The following LGALS14 variants were observed in gnomAD, a reference collection of about 807,000 sequenced individuals.
LGALS14 encodes galectin 14.
LGALS14 carries 14 observed loss-of-function variants against 14.6 expected under a neutral mutation model. That is an observed-to-expected ratio of 0.96 (90% CI 0.64 to 1.50). LGALS14 has a LOEUF of 1.50. Ranked by LOEUF, LGALS14 falls within the 40% of genes most tolerant of loss-of-function variation. LGALS14 has a pLI of 0.00. For synonymous variants in LGALS14, 57 were observed against 63.9 expected, an observed-to-expected ratio of 0.89 and a Z score of 0.51; for missense variants, 180 against 172.0, an observed-to-expected ratio of 1.05 and a Z score of -0.26.
At position 39,707,230 on chromosome 19, in the gene LGALS14, G is replaced by C; in HGVS notation, c.145G>C (p.Asp49His). The C allele has an allele frequency of 6.2e-7, 1 of 1,614,146 alleles. No homozygotes were observed. Among genetic ancestry groups the C allele is most frequent in the Non-Finnish European group, 8.5e-7 (1 of 1,179,988 alleles). ...NFYTGMDEDS[D>H]IAFQFRLHFG... ...CTACACTGGGATGGATGAGGACTCA[G>C]ATATTGCTTTCCAATTCCGACTGCA... Residue 49 changes from aspartate to histidine, a missense_variant, in exon 3 of 4, where the codon GAT becomes CAT. Transcript: ENST00000392052.
chr19:39,706,780 T>C (rs1276668990), intron 2 of LGALS14, 107 bp downstream of exon 2: 2 of 967,290 alleles, frequency 2.1e-6, no homozygotes, highest in Non-Finnish European at 1.7e-6. Flanking sequence ...GTTGGCATAA[T>C]GAAGGCCTCA....
At position 39,706,593 on chromosome 19, in the gene LGALS14, G is replaced by A. The variant is rs1973717598; in HGVS notation, c.16-4G>A. On this transcript the variant is annotated splice_polypyrimidine_tract_variant and splice_region_variant and intron_variant, in intron 1 of 3. Transcript: ENST00000392052. Reference sequence around the variant, plus strand: ...GCTCTCACTCACTCTCCATACCCTGGCAGGTACCATACACACTGCCTGTTT... The same window carrying A: ...GCTCTCACTCACTCTCCATACCCTGACAGGTACCATACACACTGCCTGTTT... 6.2e-7 allele frequency: 1 copy of A among 1,612,358 alleles called. No individual in the cohort carries two copies.
intron 3 of LGALS14, among the ~76,000 whole-genome samples, chr19:39,708,165 GT>G (rs1973746538): frequency 6.6e-6 from 1 of 152,146 alleles, no homozygotes; most frequent in South Asian, 2.1e-4. Context: ...GATTGCATTT[GT>G]TTTTAAGCAA....
chr19:39,709,334 ATTGT>A lies in LGALS14; in HGVS notation c.*23_*26del. The stretch of plus-strand genomic sequence containing the variant: ...ATTGAGGGAGATGATCAGACTCCTC[ATTGT>A]TGAGGAATCCCTCTTTCTACCTGAC... On this transcript the variant is annotated 3_prime_UTR_variant, in exon 4 of 4. Coordinates refer to ENST00000392052, the MANE Select transcript of LGALS14 (RefSeq NM_020129.3). 7.5e-6 allele frequency: 10 copies of A among 1,334,838 alleles called. No individual in the cohort carries two copies. The highest frequency in any genetic ancestry group is 1.7e-5 in the Admixed American group (1 of 59,570). 82.7% of individuals were successfully genotyped at this position (1,334,838 alleles called of 1,614,324 possible).
At chr19:39,706,878 A>G (rs796907150) in intron 2 of LGALS14, among the ~76,000 whole-genome samples, 6 of 152,316 alleles carry the variant, frequency 3.9e-5, no homozygotes, top group African/African-American at 1.4e-4. Flanking sequence ...CTAGGGGAGG[A>G]GAACACTCAG....
At chr19:39,707,751 C>G (rs905122665) in intron 3 of LGALS14, among the ~76,000 whole-genome samples, 1 of 152,086 alleles carries the variant, frequency 6.6e-6, no homozygotes, top group Non-Finnish European at 1.5e-5. Flanking sequence ...ATTTTGGGCC[C>G]AATTCTACTC....
At position 39,709,390 on chromosome 19, in the gene LGALS14, G is replaced by T. The variant is rs927030983; in HGVS notation, c.*77G>T. On this transcript the variant is annotated 3_prime_UTR_variant, in exon 4 of 4. Coordinates refer to ENST00000392052, the MANE Select transcript of LGALS14 (RefSeq NM_020129.3). ...ATGGGATTCCCAGAGCCTACTAACA[G>T]AATAATCCCTCCTCACCCCTTCCCC... The T allele has an allele frequency of 1.2e-6, 1 of 821,976 alleles. No individual in the cohort carries two copies. Among genetic ancestry groups the T allele is most frequent in the Non-Finnish European group, 2.1e-6 (1 of 474,056 alleles). 50.9% of individuals were successfully genotyped at this position (821,976 alleles called of 1,614,324 possible). A position where few individuals can be genotyped will look rare whatever the true frequency, so the allele number is the denominator to read the frequency against.
intron 2 of LGALS14, 109 bp from the exon 3 acceptor site, chr19:39,707,069 G>T: frequency 1.2e-6 from 1 of 826,646 alleles, no homozygotes. Context: ...CAGTATCATC[G>T]GGGAGACTTT....
chr19:39,707,321 A>G lies in LGALS14; in HGVS notation c.236A>G (p.Tyr79Cys), dbSNP rs185609903. 1.9e-5 allele frequency: 30 copies of G among 1,614,132 alleles called. No individual in the cohort carries two copies. The East Asian group carries it at 6.0e-4, about 32-fold the overall frequency. ...ATATGGAGATATGAGGAGAAATGCT[A>G]CTATTTACCCTTTGAAGATGGCAAA... ...FGIWRYEEKC[Y>C]YLPFEDGKPF... is the part of the protein sequence containing the mutation. The change falls in exon 3 of 4, where the codon TAC (tyrosine) becomes TGC (cysteine). Residue 79 changes from tyrosine (Y) to cysteine (C), a missense_variant. Transcript: ENST00000392052.
intron 1 of LGALS14, chr19:39,705,905 G>T: frequency 6.2e-7 from 1 of 1,613,342 alleles, no homozygotes; most frequent in South Asian, 1.1e-5. Context: ...ATTCCCTCCA[G>T]TTATGTCCCT....
Position 39,706,540 on chromosome 19 carries a change from C to T in LGALS14, c.16-57C>T, listed in dbSNP as rs1973716926. On this transcript the variant is annotated intron_variant, in intron 1 of 3. Transcript: ENST00000392052. Reference sequence around the variant, plus strand: ...CCTCCTGCACCATGGGAATCTGTTACATAGGGGAGGTTACACCTTACCCTT... The same window carrying T: ...CCTCCTGCACCATGGGAATCTGTTATATAGGGGAGGTTACACCTTACCCTT... The T allele has an allele frequency of 4.0e-6, 5 of 1,262,832 alleles. No individual in the cohort carries two copies. In the East Asian group the frequency reaches 1.2e-4, roughly 29 times the overall value. The allele number at this position is 1,262,832 out of a possible 1,614,324, so 78.2% of individuals were successfully genotyped here.
intron 3 of LGALS14, among the ~76,000 whole-genome samples, chr19:39,708,039 A>G (rs1390238332): frequency 6.6e-6 from 1 of 152,130 alleles, no homozygotes; most frequent in African/African-American, 2.4e-5. Context: ...TCAACTCCCG[A>G]CCTTGTGTGA....
chr19:39,706,658 C>T lies in LGALS14; in HGVS notation c.77C>T (p.Pro26Leu), dbSNP rs201155493. ...VGSCVIITGT[P>L]ILTFVKDPQL... ...TCGTGCGTGATAATCACAGGGACAC[C>T]GATCCTCACTTTTGTGTGAGTACTC... Residue 26 changes from proline to leucine, a missense_variant, in exon 2 of 4, where the codon CCG (proline) becomes CTG (leucine). Coordinates refer to ENST00000392052, the MANE Select transcript of LGALS14 (RefSeq NM_020129.3). 3.4e-5 allele frequency: 55 copies of T among 1,613,258 alleles called. No individual in the cohort carries two copies. The highest frequency in any genetic ancestry group is 2.9e-4 in the East Asian group (13 of 44,886).
chr19:39,708,030 C>T (rs1289178250), intron 3 of LGALS14, among the ~76,000 whole-genome samples: 1 of 152,144 alleles, frequency 6.6e-6, no homozygotes, highest in Non-Finnish European at 1.5e-5. Flanking sequence ...GGCTTGTCTT[C>T]AACTCCCGAC....
chr19:39,708,537 A>G (rs1170895150), intron 3 of LGALS14, among the ~76,000 whole-genome samples: 1 of 152,230 alleles, frequency 6.6e-6, no homozygotes, highest in East Asian at 1.9e-4. Flanking sequence ...GACTTTCTCT[A>G]TAGCCTCGAC....
At chr19:39,707,094 G>T in intron 2 of LGALS14, 84 bp from the exon 3 acceptor site, 2 of 1,102,856 alleles carry the variant, frequency 1.8e-6, no homozygotes, top group Non-Finnish European at 1.4e-6. Flanking sequence ...CCTGGGTAAA[G>T]GGGGGAAGGG....
At chr19:39,708,323 A>G (rs561190237) in intron 3 of LGALS14, among the ~76,000 whole-genome samples, 57 of 152,304 alleles carry the variant, frequency 3.7e-4, no homozygotes, top group Admixed American at 2.8e-3. Flanking sequence ...TTTACCCAAA[A>G]TTATTGAACT....
At chr19:39,704,824 C>T (rs529061598) in intron 1 of LGALS14, among the ~76,000 whole-genome samples, 3 of 152,160 alleles carry the variant, frequency 2.0e-5, no homozygotes, top group Non-Finnish European at 2.9e-5. Flanking sequence ...GGTGGATGAC[C>T]CACCAGGACC....
At chr19:39,709,094 G>A (rs577424255) in intron 3 of LGALS14, 103 bp from the exon 4 acceptor site, 2 of 779,748 alleles carry the variant, frequency 2.6e-6, no homozygotes, top group South Asian at 2.8e-5. Flanking sequence ...GTGTAACTAG[G>A]AGTTTTCATG....
Sources: gnomAD v4.1 joint callset for allele counts (sites outside exome capture counted in the v4.1 genomes callset) on GRCh38, gnomAD v4.1.1 for gene constraint, MANE v1.5 for transcripts, NCBI Gene and HGNC (gene_info 2026-07-23, HGNC 2026-07-21) for gene names.